Variants in FBN2 observed in about 807,000 individuals in gnomAD.
The protein encoded by FBN2 is fibrillin 2.
A neutral mutation model predicts 355.6 loss-of-function variants in FBN2; 105 were observed. That is an observed-to-expected ratio of 0.30 (90% CI 0.25 to 0.35). The LOEUF is 0.35. Ranked by LOEUF, FBN2 falls within the 10% of genes least tolerant of loss-of-function variation. The pLI, the probability that FBN2 is intolerant of heterozygous loss-of-function variation, is 1.00. For synonymous variants in FBN2, 1,350 were observed against 1,301.2 expected (o/e 1.04, Z -0.81); for missense variants, 3,280 against 3,758.7 (o/e 0.87, Z 3.33).
chr5:128,275,932 T>C, intron 59 of FBN2, 106 bp downstream of exon 59: 1 of 1,302,886 alleles, frequency 7.7e-7, no homozygotes, highest in Non-Finnish European at 1.1e-6. Flanking sequence ...GGATGGGACC[T>C]TTTAATGAAG....
chr5:128,446,648 TC>T, intron 6 of FBN2, 42 bp from the exon 7 acceptor site: 5 of 1,604,730 alleles, frequency 3.1e-6, no homozygotes, highest in Non-Finnish European at 4.3e-6. Flanking sequence ...ACACTGGTTT[TC>T]AGAATATCTA....
Position 128,337,378 on chromosome 5 carries a change from G to A in FBN2, c.3598+619C>T, listed in dbSNP as rs374464397. The stretch of plus-strand genomic sequence containing the variant: ...GGTTTTAAGAAAGAGTTCCTATGAA[G>A]AACATGCTTTCTGGCTAAAACAAAG... On this transcript the variant is annotated intron_variant, in intron 27 of 64. Transcript: ENST00000262464. Among the ~76,000 whole-genome samples, 2 of 152,184 alleles carry A rather than the reference G, an allele frequency of 1.3e-5. 1 individual carries two copies. Among genetic ancestry groups the A allele is most frequent in the South Asian group, 4.1e-4 (2 of 4,836 alleles).
intron 59 of FBN2, among the ~76,000 whole-genome samples, chr5:128,275,569 G>A (rs1207647563): frequency 6.6e-6 from 1 of 151,762 alleles, no homozygotes; most frequent in African/African-American, 2.4e-5. Flanking sequence ...AAATATATGA[G>A]TATAGTATTG....
At chr5:128,366,659 A>G (rs1214702353) in intron 16 of FBN2, among the ~76,000 whole-genome samples, 1 of 152,124 alleles carries the variant, frequency 6.6e-6, no homozygotes, top group Non-Finnish European at 1.5e-5. Flanking sequence ...TATTATTAAT[A>G]CATATAAATG....
intron 5 of FBN2, among the ~76,000 whole-genome samples, chr5:128,469,326 T>C (rs1050227312): frequency 5.9e-5 from 9 of 151,994 alleles, no homozygotes; most frequent in Non-Finnish European, 1.5e-5. Context: ...GGAGAGGAGA[T>C]CAAGACCATC....
At chr5:128,458,010 T>C (rs1375804876) in intron 6 of FBN2, among the ~76,000 whole-genome samples, 2 of 152,056 alleles carry the variant, frequency 1.3e-5, no homozygotes, top group Admixed American at 6.5e-5. Flanking sequence ...TAAAAGACAC[T>C]TATTGGCAAA....
At chr5:128,528,357 C>T (rs929556404) in intron 3 of FBN2, among the ~76,000 whole-genome samples, 9 of 152,070 alleles carry the variant, frequency 5.9e-5, no homozygotes, top group African/African-American at 1.9e-4. Flanking sequence ...GCTTGAATTC[C>T]GATGGGGAGC....
At chr5:128,295,238 G>C (rs1158680417) in intron 48 of FBN2, among the ~76,000 whole-genome samples, 2 of 151,278 alleles carry the variant, frequency 1.3e-5, no homozygotes, top group African/African-American at 4.8e-5. Flanking sequence ...GGTTACTGTA[G>C]CCTTGTAGTA....
rs1217462015 is a variant in FBN2, at chr5:128,312,582, A to C, written c.4879+52T>G. On this transcript the variant is annotated intron_variant, in intron 37 of 64. Coordinates refer to ENST00000262464, the MANE Select transcript of FBN2 (RefSeq NM_001999.4). ...CCCAGCTCAGGAATAAAATGGCAAC[A>C]AATCTTTAGATACCAGTTGGTTTTC... is the stretch of plus-strand genomic sequence containing the variant. The C allele has an allele frequency of 3.1e-6, 5 of 1,605,668 alleles. No individual in the cohort carries two copies. In the Admixed American group the frequency reaches 8.3e-5, roughly 27 times the overall value.
intron 62 of FBN2, among the ~76,000 whole-genome samples, chr5:128,266,929 T>C (rs2126798921): frequency 6.6e-6 from 1 of 152,276 alleles, no homozygotes; most frequent in East Asian, 1.9e-4. Context: ...GCCATGGTGC[T>C]GTGCTGCACC....
intron 5 of FBN2, among the ~76,000 whole-genome samples, chr5:128,466,655 G>C (rs544181287): frequency 6.6e-6 from 1 of 152,266 alleles, no homozygotes; most frequent in Non-Finnish European, 1.5e-5. Context: ...ACAAAATCGA[G>C]AATAGGTAAT....
chr5:128,370,368 C>G (rs1751900175), intron 15 of FBN2, among the ~76,000 whole-genome samples: 1 of 152,062 alleles, frequency 6.6e-6, no homozygotes, highest in African/African-American at 2.4e-5. Flanking sequence ...GCTTGTTATG[C>G]AAAATGGCCA....
chr5:128,298,206 G>A (rs1427521582), intron 48 of FBN2, among the ~76,000 whole-genome samples: 36 of 151,940 alleles, frequency 2.4e-4, no homozygotes, highest in Non-Finnish European at 4.3e-4. Flanking sequence ...CGAGAGATCC[G>A]CTGTTAGTCT....
intron 7 of FBN2, among the ~76,000 whole-genome samples, chr5:128,417,231 T>C (rs2127010822): frequency 6.6e-6 from 1 of 152,326 alleles, no homozygotes; most frequent in African/African-American, 2.4e-5. Context: ...TGAATTTATT[T>C]ATCAGATCTA....
At position 128,300,841 on chromosome 5, in the gene FBN2, C is replaced by T. The variant is rs1335476003; in HGVS notation, c.6142G>A (p.Glu2048Lys). Residue 2048 changes from glutamate (E) to lysine (K), a missense_variant, in exon 48 of 65, where the codon GAA becomes AAA. By Grantham distance (56) the Glu-to-Lys change is moderately conservative. This residue lies in a region of FBN2 where 2,284 missense variants were observed against 2,749.5 expected (regional missense o/e 0.83). Transcript: ENST00000262464. ...CCAATGCAGTTCTCGCTTTTTACTT[C>T]ATACCCTGGGGGACAGATGCATCTG... ...SFRCICPPGY[E>K]VKSENCIDIN... is the part of the protein sequence containing the mutation. 1.2e-6 allele frequency: 2 copies of T among 1,614,066 alleles called. No homozygotes were observed. The highest frequency in any genetic ancestry group is 1.7e-6 in the Non-Finnish European group (2 of 1,179,934).
At chr5:128,411,699 C>G (rs914202686) in intron 7 of FBN2, among the ~76,000 whole-genome samples, 1 of 152,142 alleles carries the variant, frequency 6.6e-6, no homozygotes, top group Non-Finnish European at 1.5e-5. Flanking sequence ...AGGCAACATT[C>G]GGGCAGGAAA....
intron 2 of FBN2, among the ~76,000 whole-genome samples, 200 bp from the exon 3 acceptor site, chr5:128,530,893 T>C (rs181345591): frequency 6.6e-6 from 1 of 152,296 alleles, no homozygotes; most frequent in African/African-American, 2.4e-5. Flanking sequence ...TATGAAAACG[T>C]GTAAACAAAT....
At chr5:128,482,602 A>AT (rs1435960109) in intron 5 of FBN2, among the ~76,000 whole-genome samples, 1 of 152,014 alleles carries the variant, frequency 6.6e-6, no homozygotes, top group Non-Finnish European at 1.5e-5. Flanking sequence ...GGGAGCTATC[A>AT]TTTTTTGCAT....
intron 7 of FBN2, among the ~76,000 whole-genome samples, chr5:128,437,878 A>T (rs1339446427): frequency 6.6e-6 from 1 of 152,236 alleles, no homozygotes; most frequent in Non-Finnish European, 1.5e-5. Context: ...TGAAAGCATC[A>T]TAAAAAAGAA....
Sources: allele counts gnomAD v4.1 joint callset (sites outside exome capture counted in the v4.1 genomes callset), GRCh38; gene constraint gnomAD v4.1.1; regional missense constraint gnomAD v4.1.1; transcripts MANE v1.5; gene names NCBI Gene and HGNC (gene_info 2026-07-23, HGNC 2026-07-21).